The following MBD5 variants were observed in gnomAD, a reference collection of about 807,000 sequenced individuals.
MBD5 encodes methyl-CpG binding domain protein 5.
Under a neutral mutation model 117.3 loss-of-function variants are expected in MBD5, and 13 were observed. The ratio of observed to expected loss-of-function variants is 0.11; its 90% CI spans 0.07 to 0.18. MBD5 has a LOEUF of 0.18. Ranked by LOEUF, MBD5 falls within the 10% of genes least tolerant of loss-of-function variation. The pLI, the probability that MBD5 is intolerant of heterozygous loss-of-function variation, is 1.00. For missense variants in MBD5, 1,879 were observed against 2,093.8 expected (o/e 0.90, Z 2.00); for synonymous variants, 727 against 766.4 (o/e 0.95, Z 0.85).
At chr2:148,143,587 T>C (rs1185266776) in intron 1 of MBD5, among the ~76,000 whole-genome samples, 1 of 152,148 alleles carries the variant, frequency 6.6e-6, no homozygotes, top group African/African-American at 2.4e-5. Context: ...TAACTCGTCA[T>C]TTACATTGGC....
intron 1 of MBD5, chr2:148,028,005 A>G (rs767700925): frequency 1.3e-5 from 2 of 152,108 alleles, no homozygotes; most frequent in African/African-American, 2.4e-5. Context: ...ATGTCATGTA[A>G]GATGTCAGAA....
chr2:148,256,010 T>A (rs1206867017), intron 3 of MBD5, among the ~76,000 whole-genome samples: 1 of 152,194 alleles, frequency 6.6e-6, no homozygotes, highest in East Asian at 1.9e-4. Context: ...CAAGTGTAGG[T>A]GAACAACAGG....
At chr2:148,300,883 A>G (rs1250988600) in intron 3 of MBD5, among the ~76,000 whole-genome samples, 1 of 152,226 alleles carries the variant, frequency 6.6e-6, no homozygotes, top group South Asian at 2.1e-4. Context: ...AATATAACAG[A>G]AAAGTTATTA....
chr2:148,349,823 A>G (rs1388551224), intron 4 of MBD5, among the ~76,000 whole-genome samples: 5 of 152,140 alleles, frequency 3.3e-5, no homozygotes, highest in Middle Eastern at 3.4e-3. Flanking sequence ...TATTACTTCC[A>G]TTGAATACAC....
At chr2:148,116,188 T>C (rs941961268) in intron 1 of MBD5, among the ~76,000 whole-genome samples, 4 of 104,186 alleles carry the variant, frequency 3.8e-5, no homozygotes, top group African/African-American at 1.4e-4. Flanking sequence ...CATGTTTTTT[T>C]AATGTGGCTA....
chr2:148,118,435 A>AAAT (rs1021339753), intron 1 of MBD5, among the ~76,000 whole-genome samples: 4 of 148,490 alleles, frequency 2.7e-5, no homozygotes, highest in African/African-American at 7.4e-5. Context: ...CATAAAAAAA[A>AAAT]ATATATATAT....
chr2:148,175,605 T>A (rs1698365793), intron 1 of MBD5, among the ~76,000 whole-genome samples: 1 of 152,188 alleles, frequency 6.6e-6, no homozygotes, highest in African/African-American at 2.4e-5. Context: ...TCATATTAAT[T>A]TCTGAGGCTT....
At chr2:148,417,406 T>C (rs1008723770) in intron 4 of MBD5, among the ~76,000 whole-genome samples, 2 of 151,466 alleles carry the variant, frequency 1.3e-5, no homozygotes, top group African/African-American at 4.9e-5. Context: ...CCCATAGTGC[T>C]GGGAATACAG....
intron 1 of MBD5, among the ~76,000 whole-genome samples, chr2:148,151,975 T>G (rs1168108178): frequency 1.3e-5 from 2 of 151,974 alleles, no homozygotes; most frequent in Non-Finnish European, 2.9e-5. Context: ...TTTCTTGCCT[T>G]CTGCTAGCTT....
rs5835180 is a variant in MBD5 at position 148,232,649 on chromosome 2, CTT to C, written c.-830-583_-830-582del. On this transcript the variant is annotated intron_variant, in intron 2 of 13. Coordinates refer to ENST00000642680, the MANE Select transcript of MBD5 (RefSeq NM_001378120.1). ...TGCAATACCATATCTGACTTTTTTT[CTT>C]TTTTTTTTTTTTGGTAGAGACATAG... 3.0e-3 allele frequency among the ~76,000 whole-genome samples: 421 copies of C among 140,558 alleles called. 1 individual carries two copies. Among genetic ancestry groups the C allele is most frequent in the Middle Eastern group, 0.019 (5 of 264 alleles). The allele number at this position is 140,558 out of a possible 152,430, so 92.2% of individuals were successfully genotyped here. A position where few individuals can be genotyped will look rare whatever the true frequency, so the allele number is the denominator to read the frequency against.
rs61171923 is a variant in MBD5 at position 148,433,933 on chromosome 2, CT to C, written c.-556-24259del. On this transcript the variant is annotated intron_variant, in intron 4 of 13. Transcript: ENST00000642680. The stretch of plus-strand genomic sequence containing the variant: ...TTGTTGTTTGTTTGTTTTCATTTTT[CT>C]TTTTTTTTTTAATAGTTTCAGTAGA... Among the ~76,000 whole-genome samples the C allele has an allele frequency of 1.4e-3, 198 of 145,336 alleles. 1 individual carries two copies. The highest frequency in any genetic ancestry group is 4.0e-3 in the African/African-American group (161 of 40,234).
At chr2:148,420,135 A>G (rs1705555824) in intron 4 of MBD5, among the ~76,000 whole-genome samples, 1 of 152,112 alleles carries the variant, frequency 6.6e-6, no homozygotes, top group African/African-American at 2.4e-5. Flanking sequence ...ATGAGCATTT[A>G]ATGACTTTTT....
At chr2:148,494,873 A>G (rs1382776931) in intron 11 of MBD5, among the ~76,000 whole-genome samples, 1 of 152,014 alleles carries the variant, frequency 6.6e-6, no homozygotes, top group East Asian at 1.9e-4. Flanking sequence ...TGAGGCAGGA[A>G]AATGCCGTGA....
At chr2:148,075,976 A>C (rs552626392) in intron 1 of MBD5, among the ~76,000 whole-genome samples, 54 of 152,300 alleles carry the variant, frequency 3.5e-4, no homozygotes, top group African/African-American at 1.2e-3. Context: ...ATCAGGAGCC[A>C]CTAGTAATTG....
chr2:148,392,615 T>G (rs1191006682), intron 4 of MBD5, among the ~76,000 whole-genome samples: 2 of 152,202 alleles, frequency 1.3e-5, no homozygotes, highest in Non-Finnish European at 1.5e-5. Flanking sequence ...GAATATTTTA[T>G]CTGTCTGACA....
At chr2:148,085,731 A>G (rs529834965) in intron 1 of MBD5, among the ~76,000 whole-genome samples, 3 of 152,184 alleles carry the variant, frequency 2.0e-5, no homozygotes, top group Non-Finnish European at 4.4e-5. Flanking sequence ...CTCAAAAAAA[A>G]AAAGTTTTGG....
At chr2:148,398,288 T>C (rs1275694765) in intron 4 of MBD5, among the ~76,000 whole-genome samples, 1 of 152,204 alleles carries the variant, frequency 6.6e-6, no homozygotes, top group African/African-American at 2.4e-5. Context: ...AAAGTGTTCC[T>C]ATTTTTCCAC....
chr2:148,249,108 T>C (rs1700409021), intron 3 of MBD5, among the ~76,000 whole-genome samples: 1 of 152,134 alleles, frequency 6.6e-6, no homozygotes, highest in African/African-American at 2.4e-5. Flanking sequence ...AAGGAAAATA[T>C]TGTTAAATTT....
At chr2:148,201,741 T>C (rs1226317222) in intron 2 of MBD5, among the ~76,000 whole-genome samples, 1 of 151,956 alleles carries the variant, frequency 6.6e-6, no homozygotes, top group Non-Finnish European at 1.5e-5. Context: ...GATGCAAGAG[T>C]GGTCCCCCAC....
Sources: gnomAD v4.1 joint callset for allele counts (sites outside exome capture counted in the v4.1 genomes callset) on GRCh38, gnomAD v4.1.1 for gene constraint, MANE v1.5 for transcripts, NCBI Gene and HGNC (gene_info 2026-07-23, HGNC 2026-07-21) for gene names.